DNAH6: variants seen among roughly 807,000 people sequenced by gnomAD.
DNAH6 encodes the protein axonemal beta dynein heavy chain 6.
A neutral mutation model predicts 491.4 loss-of-function variants in DNAH6; 340 were observed. The observed-to-expected ratio is 0.69, with a 90% CI of 0.63 to 0.76. The LOEUF is 0.76. DNAH6 is among the 30% of genes least tolerant of loss of function. The pLI, the probability that DNAH6 is intolerant of heterozygous loss-of-function variation, is 0.00. For synonymous variants in DNAH6, 1,603 were observed against 1,686.1 expected, an observed-to-expected ratio of 0.95 and a Z score of 1.21; for missense variants, 4,443 against 4,972.2, an observed-to-expected ratio of 0.89 and a Z score of 3.20.
At chr2:84,547,198 T>A in intron 5 of DNAH6, 70 bp from the exon 6 acceptor site, 5 of 1,329,252 alleles carry the variant, frequency 3.8e-6, no homozygotes, top group Non-Finnish European at 5.1e-6. Flanking sequence ...CTATTCTTGC[T>A]TTTTGAATGT....
chr2:84,464,383 C>G, the DNAH6 span, among the ~76,000 whole-genome samples: 3 of 152,208 alleles, frequency 2.0e-5, no homozygotes, highest in Non-Finnish European at 2.9e-5. Context: ...TCCTACTCCC[C>G]CAGAAGTTCC....
intron 56 of DNAH6, among the ~76,000 whole-genome samples, chr2:84,711,461 A>G (rs1697037586): frequency 1.3e-5 from 2 of 152,384 alleles, no homozygotes; most frequent in Non-Finnish European, 2.9e-5. Context: ...ACCATGGACC[A>G]GGGCAGTTTA....
At chr2:84,609,495 G>A (rs975501338) in intron 21 of DNAH6, among the ~76,000 whole-genome samples, 9 of 152,046 alleles carry the variant, frequency 5.9e-5, no homozygotes, top group African/African-American at 2.2e-4. Context: ...AGGGGGCACG[G>A]AGGAGAAGAA....
In DNAH6 at chr2:84,704,168, A is replaced by G. The variant is rs201102990; in HGVS notation, c.8331A>G (p.Leu2777=). The G allele has an allele frequency of 7.7e-6, 12 of 1,551,918 alleles. No individual in the cohort carries two copies. The highest frequency in any genetic ancestry group is 1.7e-4 in the Middle Eastern group (1 of 5,992). The stretch of plus-strand genomic sequence containing the variant: ...CTCAAAGAGATCTTGACGAGGCACT[A>G]CCTGCACTAGATGCTGCCAATAAAG... The part of the protein sequence containing the change: ...DDAQRDLDEA[L]PALDAANKAL... The change falls in exon 51 of 77, where the codon CTA becomes CTG. Residue 2777 remains leucine, a synonymous_variant. Coordinates refer to ENST00000389394, the MANE Select transcript of DNAH6 (RefSeq NM_001370.2).
chr2:84,735,589 T>C (rs558056424), intron 62 of DNAH6, among the ~76,000 whole-genome samples: 95 of 152,112 alleles, frequency 6.2e-4, no homozygotes, highest in Non-Finnish European at 1.2e-3. Context: ...GCCTTTCTGA[T>C]TGGTGTAAGA....
intron 58 of DNAH6, among the ~76,000 whole-genome samples, chr2:84,717,705 A>C (rs545481458): frequency 2.8e-4 from 43 of 152,356 alleles, no homozygotes; most frequent in Non-Finnish European, 5.9e-4. Flanking sequence ...GTGAAGGGAG[A>C]TATAAGTTCA....
intron 50 of DNAH6, 31 bp from the exon 51 acceptor site, chr2:84,704,036 G>T (rs1429175444): frequency 6.7e-7 from 1 of 1,481,592 alleles, no homozygotes; most frequent in Non-Finnish European, 9.2e-7. Flanking sequence ...AAATAATGAG[G>T]CCACTTAAGC....
chr2:84,786,633 T>G (rs1677230765), intron 67 of DNAH6, among the ~76,000 whole-genome samples: 1 of 152,070 alleles, frequency 6.6e-6, no homozygotes, highest in African/African-American at 2.4e-5. Flanking sequence ...TCTGGCATAA[T>G]TATCAGTTTC....
Position 84,625,073 on chromosome 2 carries a change from T to C in DNAH6, c.4515+10T>C. On this transcript the variant is annotated intron_variant, in intron 29 of 76. Coordinates refer to ENST00000389394, the MANE Select transcript of DNAH6 (RefSeq NM_001370.2). ...TGGTTTGGACTACAAGGTACAGTTCTTGCATCTGAATATTAACATTAAGTG... is the reference window on the plus strand; with the variant it reads ...TGGTTTGGACTACAAGGTACAGTTCCTGCATCTGAATATTAACATTAAGTG... The C allele has an allele frequency of 6.6e-7, 1 of 1,506,534 alleles. No homozygotes were observed. Among genetic ancestry groups the C allele is most frequent in the Non-Finnish European group, 8.9e-7 (1 of 1,126,058 alleles). 93.3% of individuals were successfully genotyped at this position (1,506,534 alleles called of 1,614,324 possible).
chr2:84,479,249 TG>T, the DNAH6 span, among the ~76,000 whole-genome samples: 2 of 152,190 alleles, frequency 1.3e-5, no homozygotes, highest in African/African-American at 4.8e-5. Flanking sequence ...CAGGGATGTA[TG>T]GTCTCACTTT....
chr2:84,781,160 C>A (rs930819996), intron 64 of DNAH6, among the ~76,000 whole-genome samples: 1 of 151,908 alleles, frequency 6.6e-6, no homozygotes, highest in Non-Finnish European at 1.5e-5. Flanking sequence ...ATAATGATTA[C>A]CTGTGGGAAG....
chr2:84,504,468 C>T, the DNAH6 span, among the ~76,000 whole-genome samples: 5 of 152,132 alleles, frequency 3.3e-5, no homozygotes, highest in African/African-American at 9.6e-5. Context: ...GATGCTAGTA[C>T]GTGTTCTTCA....
chr2:84,680,765 G>A (rs774592082), intron 41 of DNAH6, among the ~76,000 whole-genome samples: 4 of 152,078 alleles, frequency 2.6e-5, no homozygotes, highest in Admixed American at 6.6e-5. Flanking sequence ...CCAGGATGGG[G>A]TGATGTCCGG....
intron 45 of DNAH6, among the ~76,000 whole-genome samples, chr2:84,691,378 G>A (rs946314122): frequency 1.3e-5 from 2 of 152,162 alleles, no homozygotes; most frequent in South Asian, 4.1e-4. Context: ...AAATAAGAAA[G>A]CATTATTATC....
At chr2:84,786,838 A>T (rs577518316) in intron 67 of DNAH6, among the ~76,000 whole-genome samples, 3 of 152,348 alleles carry the variant, frequency 2.0e-5, no homozygotes, top group African/African-American at 7.2e-5. Flanking sequence ...TTTTTATGCC[A>T]AAAGACTGTA....
At chr2:84,468,018 TTA>T in the DNAH6 span, among the ~76,000 whole-genome samples, 1 of 152,234 alleles carries the variant, frequency 6.6e-6, no homozygotes, top group Non-Finnish European at 1.5e-5. Flanking sequence ...AAGAGGTGGT[TTA>T]TATGACCTTA....
chr2:84,666,575 A>G (rs1265618746), intron 37 of DNAH6, among the ~76,000 whole-genome samples: 5 of 152,188 alleles, frequency 3.3e-5, no homozygotes, highest in Middle Eastern at 6.3e-3. Flanking sequence ...AAGGAGAACT[A>G]CAAATCACTG....
intron 2 of DNAH6, 91 bp downstream of exon 2, chr2:84,518,142 AC>A: frequency 2.2e-6 from 2 of 910,082 alleles, no homozygotes; most frequent in South Asian, 3.6e-5. Flanking sequence ...CAGACTCTGA[AC>A]TGACAAAGAA....
At chr2:84,730,942 A>G (rs1387127372) in intron 61 of DNAH6, among the ~76,000 whole-genome samples, 3 of 152,238 alleles carry the variant, frequency 2.0e-5, no homozygotes, top group Non-Finnish European at 2.9e-5. Context: ...AAGATGTAAC[A>G]CAGGGAAATG....
Sources: allele counts gnomAD v4.1 joint callset (sites outside exome capture counted in the v4.1 genomes callset), GRCh38; gene constraint gnomAD v4.1.1; transcripts MANE v1.5; gene names NCBI Gene and HGNC (gene_info 2026-07-23, HGNC 2026-07-21).